EGFLAM: variants seen among roughly 807,000 people sequenced by gnomAD.
The protein encoded by EGFLAM is pikachurin.
A neutral mutation model predicts 113.1 loss-of-function variants in EGFLAM; 79 were observed. The observed-to-expected ratio is 0.70, with a 90% CI of 0.58 to 0.84. The LOEUF is 0.84. Ranked by LOEUF, EGFLAM falls within the 40% of genes least tolerant of loss-of-function variation. The pLI, the probability that EGFLAM is intolerant of heterozygous loss-of-function variation, is 0.00. For missense variants in EGFLAM, 1,265 were observed against 1,291.6 expected, an observed-to-expected ratio of 0.98 and a Z score of 0.32; for synonymous variants, 504 against 487.6, an observed-to-expected ratio of 1.03 and a Z score of -0.44.
chr5:38,289,497 C>A (rs568685132), intron 1 of EGFLAM, among the ~76,000 whole-genome samples: 2 of 152,280 alleles, frequency 1.3e-5, no homozygotes, highest in East Asian at 3.9e-4. Context: ...AGACTGATCT[C>A]TGAAGCATCT....
chr5:38,384,572 G>C (rs1248795021), intron 6 of EGFLAM, among the ~76,000 whole-genome samples: 2 of 152,126 alleles, frequency 1.3e-5, no homozygotes, highest in Non-Finnish European at 2.9e-5. Context: ...AACACTTTCT[G>C]ACCGGGAACA....
intron 1 of EGFLAM, among the ~76,000 whole-genome samples, chr5:38,317,139 A>T (rs1374927772): frequency 2.0e-5 from 3 of 152,232 alleles, no homozygotes; most frequent in Non-Finnish European, 1.5e-5. Context: ...TGTCAAAAAA[A>T]TATCTGTTTT....
intron 1 of EGFLAM, among the ~76,000 whole-genome samples, chr5:38,273,140 C>G (rs745680200): frequency 4.6e-5 from 7 of 152,048 alleles, no homozygotes; most frequent in Non-Finnish European, 7.4e-5. Flanking sequence ...CCCATGTCAC[C>G]CCTTCCCCAG....
At chr5:38,437,658 G>T (rs974076061) in intron 16 of EGFLAM, among the ~76,000 whole-genome samples, 5 of 152,274 alleles carry the variant, frequency 3.3e-5, no homozygotes, top group East Asian at 1.9e-4. Flanking sequence ...CCCGCCAGGT[G>T]GTTCTAATGT....
Position 38,406,645 on chromosome 5 carries a change from CTA to C in EGFLAM, c.829-180_829-179del, listed in dbSNP as rs1432970501. ...TTTCTGAGTAATACAAGGAAAAGCA[CTA>C]TAAGTCCCTGACCATCAAGCTCTTT... On this transcript the variant is annotated intron_variant, in intron 7 of 21. Coordinates refer to ENST00000322350, the MANE Select transcript of EGFLAM (RefSeq NM_152403.4). Among the ~76,000 whole-genome samples, 3 of 152,156 alleles carry C rather than the reference CTA, an allele frequency of 2.0e-5. No homozygotes were observed. In the East Asian group the frequency reaches 5.8e-4, roughly 29 times the overall value.
intron 1 of EGFLAM, among the ~76,000 whole-genome samples, chr5:38,269,495 T>TC (rs1219953383): frequency 3.3e-5 from 5 of 149,970 alleles, no homozygotes; most frequent in Admixed American, 2.7e-4. Context: ...TTCTTTTCTT[T>TC]TTTTTTTTTT....
At chr5:38,334,116 G>C (rs1739123998) in intron 1 of EGFLAM, among the ~76,000 whole-genome samples, 1 of 151,884 alleles carries the variant, frequency 6.6e-6, no homozygotes, top group African/African-American at 2.4e-5. Context: ...TAGAGATGGG[G>C]TTTTGCCATG....
chr5:38,308,281 G>A (rs896487153), intron 1 of EGFLAM, among the ~76,000 whole-genome samples: 1 of 152,222 alleles, frequency 6.6e-6, no homozygotes, highest in African/African-American at 2.4e-5. Context: ...CTCCTTCACA[G>A]GGCTGTGGGG....
chr5:38,363,306 G>T (rs1294430218), intron 5 of EGFLAM, among the ~76,000 whole-genome samples: 1 of 152,142 alleles, frequency 6.6e-6, no homozygotes, highest in Non-Finnish European at 1.5e-5. Context: ...TTCTCTTAGA[G>T]CAGGGTGTTT....
At chr5:38,275,681 A>G (rs1757868020) in intron 1 of EGFLAM, among the ~76,000 whole-genome samples, 1 of 152,236 alleles carries the variant, frequency 6.6e-6, no homozygotes, top group Admixed American at 6.5e-5. Flanking sequence ...ATCAGCAAAG[A>G]AACACTGGAT....
At chr5:38,427,450 G>A (rs1354321748) in intron 14 of EGFLAM, 198 bp downstream of exon 14, 1 of 800,058 alleles carries the variant, frequency 1.2e-6, no homozygotes. Context: ...TGCCCACAAG[G>A]CTTCCTTTTC....
intron 15 of EGFLAM, among the ~76,000 whole-genome samples, chr5:38,432,715 A>C (rs530516548): frequency 6.6e-6 from 1 of 152,314 alleles, no homozygotes; most frequent in African/African-American, 2.4e-5. Context: ...GTAAAACAGG[A>C]ACAAAAGCTG....
intron 5 of EGFLAM, among the ~76,000 whole-genome samples, chr5:38,360,064 A>G (rs573492618): frequency 6.6e-6 from 1 of 152,328 alleles, no homozygotes; most frequent in South Asian, 2.1e-4. Flanking sequence ...CCATCTCATC[A>G]TAGACTTCCA....
At chr5:38,335,202 T>C (rs1739152505) in intron 1 of EGFLAM, among the ~76,000 whole-genome samples, 1 of 152,200 alleles carries the variant, frequency 6.6e-6, no homozygotes, top group African/African-American at 2.4e-5. Context: ...GTAGTAAAAA[T>C]GAAAATGTAT....
intron 1 of EGFLAM, among the ~76,000 whole-genome samples, chr5:38,323,936 G>T (rs1375840925): frequency 1.3e-5 from 2 of 151,502 alleles, no homozygotes; most frequent in East Asian, 3.9e-4. Context: ...CAGCTATTCT[G>T]GAGCCTGAGG....
At chr5:38,422,476 G>A (rs2112176860) in intron 12 of EGFLAM, among the ~76,000 whole-genome samples, 1 of 152,268 alleles carries the variant, frequency 6.6e-6, no homozygotes, top group Admixed American at 6.5e-5. Flanking sequence ...CCCTTTGGTG[G>A]TCTGGGGAAG....
intron 1 of EGFLAM, among the ~76,000 whole-genome samples, chr5:38,310,437 T>C (rs954594270): frequency 4.6e-5 from 7 of 152,198 alleles, no homozygotes; most frequent in Non-Finnish European, 4.4e-5. Flanking sequence ...TATGCACTTG[T>C]CAGACCCTGT....
intron 1 of EGFLAM, among the ~76,000 whole-genome samples, chr5:38,295,375 G>C (rs995212573): frequency 5.9e-5 from 9 of 152,146 alleles, no homozygotes; most frequent in Non-Finnish European, 2.9e-5. Flanking sequence ...GACAGAGAGA[G>C]GTCGTTTGAA....
chr5:38,266,148 C>T (rs1229402637), intron 1 of EGFLAM, among the ~76,000 whole-genome samples: 1 of 152,058 alleles, frequency 6.6e-6, no homozygotes, highest in Non-Finnish European at 1.5e-5. Flanking sequence ...AACATTTTCC[C>T]CCCTTACCTC....
Sources: gnomAD v4.1 joint callset for allele counts (sites outside exome capture counted in the v4.1 genomes callset) on GRCh38, gnomAD v4.1.1 for gene constraint, MANE v1.5 for transcripts, NCBI Gene and HGNC (gene_info 2026-07-23, HGNC 2026-07-21) for gene names.